Variants in CNTN1 observed in about 807,000 individuals in gnomAD.
The protein encoded by CNTN1 is contactin 1, also known as contactin-1.
In CNTN1, 38 loss-of-function variants were observed where a neutral mutation model predicts 126.4. That is an observed-to-expected ratio of 0.30 (90% confidence interval 0.23 to 0.39). CNTN1 has a LOEUF of 0.39. CNTN1 is among the 10% of genes least tolerant of loss of function. The pLI is 1.00. For synonymous variants in CNTN1, 413 were observed against 422.6 expected, an observed-to-expected ratio of 0.98 and a Z score of 0.28; for missense variants, 1,009 against 1,248.4, an observed-to-expected ratio of 0.81 and a Z score of 2.89.
chr12:40,720,739 C>T (rs187219206), intron 1 of CNTN1, among the ~76,000 whole-genome samples: 327 of 152,006 alleles, frequency 2.2e-3, no homozygotes, highest in Non-Finnish European at 3.6e-3. Flanking sequence ...CCATCCTGGC[C>T]AACATGGTGA....
chr12:41,049,069 T>C (rs1399846464), intron 23 of CNTN1, among the ~76,000 whole-genome samples: 1 of 152,188 alleles, frequency 6.6e-6, no homozygotes, highest in Admixed American at 6.5e-5. Context: ...GGCCACTTTC[T>C]CTTTCTTGGC....
intron 14 of CNTN1, among the ~76,000 whole-genome samples, chr12:40,956,551 A>G (rs1946889563): frequency 6.6e-6 from 1 of 152,036 alleles, no homozygotes; most frequent in East Asian, 1.9e-4. Flanking sequence ...AGGGGTATGA[A>G]TCACAATTCC....
intron 1 of CNTN1, among the ~76,000 whole-genome samples, chr12:40,834,561 G>C (rs1359730426): frequency 6.6e-6 from 1 of 152,146 alleles, no homozygotes; most frequent in African/African-American, 2.4e-5. Context: ...CAGTTGGCAG[G>C]GAGAGCCGCT....
At chr12:40,711,128 C>G (rs1015789348) in intron 1 of CNTN1, among the ~76,000 whole-genome samples, 1 of 152,130 alleles carries the variant, frequency 6.6e-6, no homozygotes, top group Non-Finnish European at 1.5e-5. Flanking sequence ...TCTAATCCCT[C>G]TACTGGTGCT....
chr12:40,901,498 C>T (rs1469778371), intron 1 of CNTN1, among the ~76,000 whole-genome samples: 1 of 152,130 alleles, frequency 6.6e-6, no homozygotes, highest in Non-Finnish European at 1.5e-5. Flanking sequence ...TGTAGGCATA[C>T]TAAAGTTCAA....
At chr12:40,703,673 A>G (rs1489354931) in intron 1 of CNTN1, among the ~76,000 whole-genome samples, 1 of 152,192 alleles carries the variant, frequency 6.6e-6, no homozygotes, top group African/African-American at 2.4e-5. Flanking sequence ...AAGAGTTTCT[A>G]GACATGTAAA....
At chr12:40,799,507 C>T (rs1454451076) in intron 1 of CNTN1, among the ~76,000 whole-genome samples, 3 of 151,766 alleles carry the variant, frequency 2.0e-5, no homozygotes, top group Admixed American at 2.0e-4. Flanking sequence ...CATTTTTTGG[C>T]AGAACATAAC....
At chr12:41,066,344 A>C (rs280378) in intron 23 of CNTN1, among the ~76,000 whole-genome samples, 6,612 of 152,278 alleles carry the variant, frequency 0.043, 333 homozygotes, top group African/African-American at 0.11. Context: ...ATCAGGGGTC[A>C]CACTGAAGGT....
chr12:40,804,494 C>A (rs1161030240), intron 1 of CNTN1, among the ~76,000 whole-genome samples: 3 of 151,986 alleles, frequency 2.0e-5, no homozygotes, highest in Non-Finnish European at 4.4e-5. Context: ...TCCACTGGTA[C>A]AAGAGCAGAT....
intron 12 of CNTN1, among the ~76,000 whole-genome samples, chr12:40,939,726 G>GT (rs1056742140): frequency 4.0e-5 from 6 of 151,866 alleles, no homozygotes; most frequent in African/African-American, 1.5e-4. Flanking sequence ...GCTCAGAGGT[G>GT]TTTTTTTGTT....
chr12:40,856,264 C>T (rs1942902946), intron 1 of CNTN1, among the ~76,000 whole-genome samples: 1 of 152,040 alleles, frequency 6.6e-6, no homozygotes, highest in African/African-American at 2.4e-5. Flanking sequence ...TAGATTGAGG[C>T]AGTGACAATG....
chr12:40,875,740 A>G (rs1472891994), intron 1 of CNTN1, among the ~76,000 whole-genome samples: 2 of 152,074 alleles, frequency 1.3e-5, no homozygotes, highest in Non-Finnish European at 2.9e-5. Context: ...TAAGTACCAC[A>G]GTTGGTTTAA....
Position 40,936,782 on chromosome 12 carries a change from A to G in CNTN1, c.987A>G (p.Ala329=). 6.2e-7 allele frequency: 1 copy of G among 1,613,084 alleles called. No homozygotes were observed. The highest frequency in any genetic ancestry group is 8.5e-7 in the Non-Finnish European group (1 of 1,179,210). Residue 329 remains alanine (A), a splice_region_variant and synonymous_variant, in exon 10 of 24, where the codon GCA becomes GCG. Transcript: ENST00000551295. The part of the protein sequence containing the change: ...DKHQARIYVQ[A]FPEWVEHIND... ...TTTACAATGTTCCTTACTTTTTAGCATTCCCTGAGTGGGTAGAACACATCA... is the reference window on the plus strand; with the variant it reads ...TTTACAATGTTCCTTACTTTTTAGCGTTCCCTGAGTGGGTAGAACACATCA...
intron 5 of CNTN1, among the ~76,000 whole-genome samples, chr12:40,923,744 G>T (rs1945532728): frequency 6.6e-6 from 1 of 152,126 alleles, no homozygotes; most frequent in Non-Finnish European, 1.5e-5. Context: ...TGAGGATAGG[G>T]ATGGCATTCA....
chr12:41,044,097 T>A (rs1431858299), intron 23 of CNTN1, among the ~76,000 whole-genome samples: 2 of 150,950 alleles, frequency 1.3e-5, no homozygotes, highest in African/African-American at 4.9e-5. Context: ...CATGTATATA[T>A]ATGTAACTAA....
chr12:40,838,273 T>C (rs573281809), intron 1 of CNTN1, among the ~76,000 whole-genome samples: 1 of 152,234 alleles, frequency 6.6e-6, no homozygotes, highest in African/African-American at 2.4e-5. Context: ...GTGCCATCTG[T>C]GAGCCTGGAA....
intron 23 of CNTN1, among the ~76,000 whole-genome samples, chr12:41,042,625 T>C (rs1388240998): frequency 6.6e-6 from 1 of 152,118 alleles, no homozygotes; most frequent in African/African-American, 2.4e-5. Context: ...CCAATGACTT[T>C]CTTCACAGAA....
chr12:40,958,265 T>C (rs1178881127), intron 14 of CNTN1, among the ~76,000 whole-genome samples: 1 of 151,708 alleles, frequency 6.6e-6, no homozygotes, highest in African/African-American at 2.4e-5. Context: ...CATAGGGCAG[T>C]TGTCAAAAAA....
At chr12:40,743,938 G>A (rs1938056666) in intron 1 of CNTN1, among the ~76,000 whole-genome samples, 1 of 151,996 alleles carries the variant, frequency 6.6e-6, no homozygotes, top group Admixed American at 6.6e-5. Context: ...TATATGCCAT[G>A]GAACACTACG....
Sources: gnomAD v4.1 joint callset for allele counts (sites outside exome capture counted in the v4.1 genomes callset) on GRCh38, gnomAD v4.1.1 for gene constraint, MANE v1.5 for transcripts, NCBI Gene and HGNC (gene_info 2026-07-23, HGNC 2026-07-21) for gene names.